Variants in HOXC13 observed in about 807,000 individuals in gnomAD.
HOXC13 encodes the protein homeobox protein Hox-C13.
A neutral mutation model predicts 25.9 loss-of-function variants in HOXC13; 10 were observed. The ratio of observed to expected loss-of-function variants is 0.39; its 90% CI spans 0.24 to 0.65. HOXC13 has a LOEUF of 0.65. Among genes scored for constraint, HOXC13 ranks in the 30% least tolerant of loss-of-function variants. HOXC13 has a pLI of 0.50. For missense variants in HOXC13, 439 were observed against 478.3 expected (o/e 0.92, Z 0.77); for synonymous variants, 233 against 217.1 (o/e 1.07, Z -0.64).
At chr12:53,942,176 TTTTTTTTTTTTTTTTGAGA>T (rs1938622344) in intron 1 of HOXC13, among the ~76,000 whole-genome samples, 1 of 133,568 alleles carries the variant, frequency 7.5e-6, no homozygotes, top group Non-Finnish European at 1.5e-5. Context: ...TTTTTTTTTT[TTTTTTTTTTTTTTTTGAGA>T]GAGAGAGAGA....
In HOXC13 at chr12:53,939,187, C is replaced by T; in HGVS notation, c.281C>T (p.Thr94Met). The T allele has an allele frequency of 3.3e-6, 5 of 1,522,020 alleles. No individual in the cohort carries two copies. Among genetic ancestry groups the T allele is most frequent in the South Asian group, 1.2e-5 (1 of 81,914 alleles). 94.3% of individuals were successfully genotyped at this position (1,522,020 alleles called of 1,614,324 possible). ...PLGAPQGAVYTDIPAPEAARQ... is the reference protein window; with the variant it reads ...PLGAPQGAVYMDIPAPEAARQ... Reference sequence around the variant, plus strand: ...GGCGCCCCTCAGGGCGCCGTCTATACGGACATCCCGGCCCCGGAGGCGGCG... The same window carrying T: ...GGCGCCCCTCAGGGCGCCGTCTATATGGACATCCCGGCCCCGGAGGCGGCG... Residue 94 changes from threonine (T) to methionine (M), a missense_variant, in exon 1 of 2, where the codon ACG becomes ATG. Thr to Met is a moderately conservative substitution (Grantham distance 81). Transcript: ENST00000243056. This position sits in a 1 kb window ranked among gnomAD's most constrained non-coding sequence, Gnocchi z 6.7.
At chr12:53,943,835 C>T (rs747321579) in intron 1 of HOXC13, among the ~76,000 whole-genome samples, 3 of 152,222 alleles carry the variant, frequency 2.0e-5, no homozygotes, top group African/African-American at 4.8e-5. Flanking sequence ...CAGCCCTCCT[C>T]ATTAGCTTTC....
Position 53,939,658 on chromosome 12 carries a change from G to C in HOXC13, c.736+16G>C, listed in dbSNP as rs745543002. ...CCCTTCCCAGGTAAGGAAGGGACCC[G>C]AGCGCCGCCGCCGCCGGGGACCCCT... is the stretch of plus-strand genomic sequence containing the variant. On this transcript the variant is annotated intron_variant, in intron 1 of 1. Coordinates refer to ENST00000243056, the MANE Select transcript of HOXC13 (RefSeq NM_017410.3). This position sits in a 1 kb window ranked among gnomAD's most constrained non-coding sequence, Gnocchi z 6.7. 1.4e-6 allele frequency: 2 copies of C among 1,380,962 alleles called. No individual in the cohort carries two copies. The highest frequency in any genetic ancestry group is 1.9e-6 in the Non-Finnish European group (2 of 1,064,104). 85.5% of individuals were successfully genotyped at this position (1,380,962 alleles called of 1,614,324 possible).
At position 53,945,434 on chromosome 12, in the gene HOXC13, A is replaced by T; in HGVS notation, c.*178A>T. 1 of 688,120 alleles carries T rather than the reference A, an allele frequency of 1.5e-6. No individual in the cohort carries two copies. The highest frequency in any genetic ancestry group is 2.4e-6 in the Non-Finnish European group (1 of 414,414). 42.6% of individuals were successfully genotyped at this position (688,120 alleles called of 1,614,324 possible). A position where few individuals can be genotyped will look rare whatever the true frequency, so the allele number is the denominator to read the frequency against. ...GCTGCTGGGCCATCCCCAACTCCCT[A>T]TCCCATCCCCAGCCTCCACCCCCAT... On this transcript the variant is annotated 3_prime_UTR_variant, in exon 2 of 2. Transcript: ENST00000243056. This position sits in a 1 kb window ranked among gnomAD's most constrained non-coding sequence, Gnocchi z 4.4.
intron 1 of HOXC13, among the ~76,000 whole-genome samples, chr12:53,941,155 A>G (rs1049141409): frequency 6.6e-6 from 1 of 152,236 alleles, no homozygotes; most frequent in Non-Finnish European, 1.5e-5. Flanking sequence ...ATTTTTATAT[A>G]ATATGATTTC....
chr12:53,943,230 G>C (rs1938639515), intron 1 of HOXC13, among the ~76,000 whole-genome samples: 1 of 152,088 alleles, frequency 6.6e-6, no homozygotes, highest in East Asian at 1.9e-4. Flanking sequence ...AAATAATCCT[G>C]AAAAAATGTT....
At chr12:53,943,588 G>A (rs75488119) in intron 1 of HOXC13, among the ~76,000 whole-genome samples, 1 of 9,132 alleles carries the variant, frequency 1.1e-4, no homozygotes, top group African/African-American at 1.7e-4. Context: ...ATTGGACCCC[G>A]TCTCCCATTT....
chr12:53,944,939 G>T (rs1307183040), intron 1 of HOXC13, 61 bp from the exon 2 acceptor site: 15 of 1,603,800 alleles, frequency 9.4e-6, no homozygotes, highest in Non-Finnish European at 1.3e-5. Flanking sequence ...GCAGCCTCGG[G>T]TCCTCTATCT....
Position 53,938,849 on chromosome 12 carries a change from T to C in HOXC13, c.-58T>C. ...GGAGGGGAAACAGGAGCGAGGTGTCTCCCTAGCTCGCTGCCTCTGGCAAGT... is the reference window on the plus strand; with the variant it reads ...GGAGGGGAAACAGGAGCGAGGTGTCCCCCTAGCTCGCTGCCTCTGGCAAGT... On this transcript the variant is annotated 5_prime_UTR_variant, in exon 1 of 2. Coordinates refer to ENST00000243056, the MANE Select transcript of HOXC13 (RefSeq NM_017410.3). The C allele has an allele frequency of 7.1e-7, 1 of 1,414,092 alleles. No homozygotes were observed. The highest frequency in any genetic ancestry group is 9.4e-7 in the Non-Finnish European group (1 of 1,064,128). 87.6% of individuals were successfully genotyped at this position (1,414,092 alleles called of 1,614,324 possible).
chr12:53,943,371 A>T (rs1267491236), intron 1 of HOXC13, among the ~76,000 whole-genome samples: 1 of 152,240 alleles, frequency 6.6e-6, no homozygotes, highest in Admixed American at 6.5e-5. Flanking sequence ...TAAGAGTAAA[A>T]CAAATTTGAG....
At chr12:53,943,026 A>T (rs1938636872) in intron 1 of HOXC13, among the ~76,000 whole-genome samples, 1 of 152,184 alleles carries the variant, frequency 6.6e-6, no homozygotes, top group Non-Finnish European at 1.5e-5. Flanking sequence ...ACCCACCTTT[A>T]CCCTACTGTA....
chr12:53,942,241 A>G (rs1451065300), intron 1 of HOXC13, among the ~76,000 whole-genome samples: 2 of 135,202 alleles, frequency 1.5e-5, no homozygotes, highest in African/African-American at 5.5e-5. Flanking sequence ...AAAGGGAGAA[A>G]AAGAGAGATG....
chr12:53,944,114 C>T (rs934103037), intron 1 of HOXC13, among the ~76,000 whole-genome samples: 1 of 152,112 alleles, frequency 6.6e-6, no homozygotes, highest in Non-Finnish European at 1.5e-5. Flanking sequence ...TAGACAGTTT[C>T]CTTCAGCTGT....
At chr12:53,940,134 G>A (rs1008971617) in intron 1 of HOXC13, among the ~76,000 whole-genome samples, 3 of 152,212 alleles carry the variant, frequency 2.0e-5, no homozygotes, top group Admixed American at 6.5e-5. Context: ...TTAAATAGGG[G>A]ACTAATTTGC....
In HOXC13 at chr12:53,939,546, T is replaced by A; in HGVS notation, c.640T>A (p.Tyr214Asn). 1 of 1,612,334 alleles carries A rather than the reference T, an allele frequency of 6.2e-7. No homozygotes were observed. The highest frequency in any genetic ancestry group is 8.5e-7 in the Non-Finnish European group (1 of 1,179,830). ...RHDALIPVEG[Y>N]QHWALSNGWD... is the part of the protein sequence containing the mutation. ...CGACGCCCTCATCCCCGTCGAAGGC[T>A]ACCAGCACTGGGCTCTCTCCAATGG... Residue 214 changes from tyrosine (Y) to asparagine (N), a missense_variant, in exon 1 of 2, where the codon TAC (tyrosine) becomes AAC (asparagine). By Grantham distance (143) the Tyr-to-Asn change is moderately radical (BLOSUM62 -2). Transcript: ENST00000243056. The surrounding 1 kb of genome is among the most constrained non-coding windows in gnomAD (Gnocchi z 6.7).
chr12:53,945,604 A>C lies in HOXC13; in HGVS notation c.*348A>C. 2.6e-6 allele frequency: 1 copy of C among 378,782 alleles called. No homozygotes were observed. Among genetic ancestry groups the C allele is most frequent in the Non-Finnish European group, 4.9e-6 (1 of 205,572 alleles). The allele number at this position is 378,782 out of a possible 1,614,324, so 23.5% of individuals were successfully genotyped here. A position where few individuals can be genotyped will look rare whatever the true frequency, so the allele number is the denominator to read the frequency against. The stretch of plus-strand genomic sequence containing the variant: ...CGCAGAGCCCAATCATTCCAACCAA[A>C]GCAGGGTTGGGGAATCCCGAATGGC... On this transcript the variant is annotated 3_prime_UTR_variant, in exon 2 of 2. Transcript: ENST00000243056. The surrounding 1 kb of genome is among the most constrained non-coding windows in gnomAD (Gnocchi z 4.4).
At position 53,945,863 on chromosome 12, in the gene HOXC13, G is replaced by C. The variant is rs936912232; in HGVS notation, c.*607G>C. 2.6e-5 allele frequency: 6 copies of C among 233,582 alleles called. No homozygotes were observed. The highest frequency in any genetic ancestry group is 1.1e-4 in the Admixed American group (2 of 18,276). 14.5% of individuals were successfully genotyped at this position (233,582 alleles called of 1,614,324 possible). A position where few individuals can be genotyped will look rare whatever the true frequency, so the allele number is the denominator to read the frequency against. On this transcript the variant is annotated 3_prime_UTR_variant, in exon 2 of 2. Transcript: ENST00000243056. The surrounding 1 kb of genome is among the most constrained non-coding windows in gnomAD (Gnocchi z 4.4). ...AGTATGGATGTTTCCGTAAAAGCTG[G>C]AATTCCGTAAAAGCATTGACGCAGC...
Position 53,939,682 on chromosome 12 carries a change from C to T in HOXC13, c.736+40C>T, listed in dbSNP as rs760776407. The T allele has an allele frequency of 9.8e-6, 13 of 1,323,010 alleles. No homozygotes were observed. The highest frequency in any genetic ancestry group is 1.3e-5 in the Non-Finnish European group (13 of 1,034,696). The allele number at this position is 1,323,010 out of a possible 1,614,324, so 82.0% of individuals were successfully genotyped here. A position where few individuals can be genotyped will look rare whatever the true frequency, so the allele number is the denominator to read the frequency against. On this transcript the variant is annotated intron_variant, in intron 1 of 1. Transcript: ENST00000243056. The surrounding 1 kb of genome is among the most constrained non-coding windows in gnomAD (Gnocchi z 6.7). ...CGAGCGCCGCCGCCGCCGGGGACCCCTCCCCGCCCTGCCTGCCCCGGGGCT... is the reference window on the plus strand; with the variant it reads ...CGAGCGCCGCCGCCGCCGGGGACCCTTCCCCGCCCTGCCTGCCCCGGGGCT...
Position 53,945,092 on chromosome 12 carries a change from A to C in HOXC13, c.829A>C (p.Lys277Gln). Residue 277 changes from lysine (K) to glutamine (Q), a missense_variant, in exon 2 of 2, where the codon AAG becomes CAG. By Grantham distance (53) the Lys-to-Gln change is moderately conservative. Transcript: ENST00000243056. This position sits in a 1 kb window ranked among gnomAD's most constrained non-coding sequence, Gnocchi z 4.4. ...YTKVQLKELEKEYAASKFITK... is the reference protein window; with the variant it reads ...YTKVQLKELEQEYAASKFITK... The stretch of plus-strand genomic sequence containing the variant: ...TAAGGTGCAGCTGAAGGAGCTAGAG[A>C]AGGAATACGCGGCTAGCAAGTTCAT... The C allele has an allele frequency of 6.2e-7, 1 of 1,614,152 alleles. No homozygotes were observed. Among genetic ancestry groups the C allele is most frequent in the Non-Finnish European group, 8.5e-7 (1 of 1,180,038 alleles).
Sources: allele counts gnomAD v4.1 joint callset (sites outside exome capture counted in the v4.1 genomes callset), GRCh38; gene constraint gnomAD v4.1.1; non-coding constraint Gnocchi (gnomAD v3.1); transcripts MANE v1.5; gene names NCBI Gene and HGNC (gene_info 2026-07-23, HGNC 2026-07-21).